STAU2: variants seen among roughly 807,000 people sequenced by gnomAD.
STAU2 encodes the protein staufen double-stranded RNA binding protein 2.
STAU2 carries 20 observed loss-of-function variants against 65.9 expected under a neutral mutation model. That is an observed-to-expected ratio of 0.30 (90% confidence interval 0.21 to 0.44). The LOEUF is 0.44. Among genes scored for constraint, STAU2 ranks in the 20% least tolerant of loss-of-function variants. STAU2 has a pLI of 1.00. For missense variants in STAU2, 558 were observed against 683.9 expected (o/e 0.82, Z 2.05); for synonymous variants, 232 against 233.9 (o/e 0.99, Z 0.07).
At chr8:73,716,855 G>A (rs903955668) in intron 3 of STAU2, among the ~76,000 whole-genome samples, 4 of 152,074 alleles carry the variant, frequency 2.6e-5, no homozygotes, top group Admixed American at 2.0e-4. Flanking sequence ...TGTAATCCCA[G>A]TACTTTGGGA....
At chr8:73,706,491 A>G (rs763499844) in intron 4 of STAU2, among the ~76,000 whole-genome samples, 9 of 152,172 alleles carry the variant, frequency 5.9e-5, no homozygotes, top group Admixed American at 1.3e-4. Flanking sequence ...ATTAAAATAC[A>G]TTTTATGTCT....
chr8:73,613,543 T>G (rs543237496), intron 9 of STAU2, among the ~76,000 whole-genome samples: 30 of 152,206 alleles, frequency 2.0e-4, no homozygotes, highest in Non-Finnish European at 3.7e-4. Flanking sequence ...ATTATGATTA[T>G]TTGATGTACA....
At chr8:73,607,906 A>G (rs1290700907) in intron 9 of STAU2, among the ~76,000 whole-genome samples, 1 of 152,106 alleles carries the variant, frequency 6.6e-6, no homozygotes, top group East Asian at 1.9e-4. Context: ...AGAGACATGG[A>G]GACATGGATA....
Position 73,571,937 on chromosome 8 carries a change from CA to C in STAU2, c.1222+10832del, listed in dbSNP as rs778438549. On this transcript the variant is annotated intron_variant, in intron 12 of 14. Transcript: ENST00000524300. ...GGAGATAGAGACACAAAAAACCCTTCAAAAAAAATCAATGAATCCAGGAAGC... is the reference window on the plus strand; with the variant it reads ...GGAGATAGAGACACAAAAAACCCTTCAAAAAAATCAATGAATCCAGGAAGC... 2.0e-5 allele frequency among the ~76,000 whole-genome samples: 3 copies of C among 151,688 alleles called. No individual in the cohort carries two copies. The South Asian group carries it at 6.2e-4, about 32-fold the overall frequency.
At chr8:73,488,456 C>A (rs1821019595) in intron 13 of STAU2, among the ~76,000 whole-genome samples, 1 of 151,758 alleles carries the variant, frequency 6.6e-6, no homozygotes. Context: ...TGTAATAAAT[C>A]GCTCCAAAGC....
intron 6 of STAU2, among the ~76,000 whole-genome samples, chr8:73,649,846 GTA>G (rs1815701887): frequency 8.3e-6 from 1 of 120,570 alleles, no homozygotes; most frequent in East Asian, 2.5e-4. Flanking sequence ...TTATAAGTTA[GTA>G]TATATGTCTT....
intron 5 of STAU2, among the ~76,000 whole-genome samples, chr8:73,686,816 C>G (rs1296619833): frequency 6.6e-6 from 1 of 150,716 alleles, no homozygotes; most frequent in Non-Finnish European, 1.5e-5. Context: ...TTCTTAGGAG[C>G]TTAAAATTAG....
intron 12 of STAU2, among the ~76,000 whole-genome samples, chr8:73,577,690 G>C (rs775693679): frequency 3.3e-5 from 5 of 152,046 alleles, no homozygotes; most frequent in Non-Finnish European, 7.4e-5. Context: ...CAATAAGTCA[G>C]AGTCCCATCA....
chr8:73,695,678 C>T (rs893082687), intron 4 of STAU2, among the ~76,000 whole-genome samples: 7 of 152,114 alleles, frequency 4.6e-5, no homozygotes, highest in African/African-American at 1.2e-4. Flanking sequence ...TCCACACCTA[C>T]GCTGGACAGC....
intron 5 of STAU2, among the ~76,000 whole-genome samples, chr8:73,675,866 A>T (rs1378433043): frequency 1.3e-5 from 2 of 152,146 alleles, no homozygotes; most frequent in African/African-American, 4.8e-5. Context: ...GGTAATATGG[A>T]TCAAAGTTAA....
chr8:73,696,217 T>G (rs1355556313), intron 4 of STAU2, among the ~76,000 whole-genome samples: 1 of 152,238 alleles, frequency 6.6e-6, no homozygotes, highest in Non-Finnish European at 1.5e-5. Flanking sequence ...ATTGTTGGGC[T>G]TGGGGCCCAA....
chr8:73,595,016 A>G, intron 11 of STAU2, 150 bp downstream of exon 11: 1 of 543,812 alleles, frequency 1.8e-6, no homozygotes, highest in Non-Finnish European at 3.1e-6. Context: ...ATCTTACTCC[A>G]TATGTTATTT....
chr8:73,565,123 T>C (rs1429103451), intron 12 of STAU2, among the ~76,000 whole-genome samples: 2 of 152,204 alleles, frequency 1.3e-5, no homozygotes, highest in African/African-American at 4.8e-5. Flanking sequence ...AATAATCATA[T>C]AATATGGTTT....
intron 13 of STAU2, among the ~76,000 whole-genome samples, chr8:73,429,002 T>A (rs937936018): frequency 6.6e-6 from 1 of 152,178 alleles, no homozygotes; most frequent in African/African-American, 2.4e-5. Context: ...CACGAATGGA[T>A]TTTCAGAATT....
At chr8:73,462,200 T>A (rs1029825492) in intron 13 of STAU2, among the ~76,000 whole-genome samples, 3 of 150,766 alleles carry the variant, frequency 2.0e-5, no homozygotes, top group African/African-American at 4.9e-5. Context: ...CTGCCTCAGC[T>A]TCCTGAGTAG....
chr8:73,746,417 C>T (rs1002911553), intron 1 of STAU2, among the ~76,000 whole-genome samples: 1 of 152,024 alleles, frequency 6.6e-6, no homozygotes, highest in Non-Finnish European at 1.5e-5. Context: ...CCCAGCCTCC[C>T]GCGCCCGCAG....
In STAU2 at chr8:73,560,120, C is replaced by A. The variant is rs373046169; in HGVS notation, c.1223-7801G>T. ...TTTTGAGACAGAGTCTCGCTCTGTC[C>A]CCCAGGCTGGAGTGCAGTGGCGCCA... On this transcript the variant is annotated intron_variant, in intron 12 of 14. Transcript: ENST00000524300. Among the ~76,000 whole-genome samples the A allele has an allele frequency of 1.4e-5, 2 of 148,030 alleles. 1 individual carries two copies. The highest frequency in any genetic ancestry group is 1.3e-4 in the Admixed American group (2 of 14,954).
chr8:73,613,019 A>G (rs886399154), intron 9 of STAU2, among the ~76,000 whole-genome samples: 2 of 152,242 alleles, frequency 1.3e-5, no homozygotes, highest in Admixed American at 1.3e-4. Context: ...ATTCTGACCC[A>G]ATAAAAGAGT....
At chr8:73,598,958 T>G (rs1281947582) in intron 10 of STAU2, among the ~76,000 whole-genome samples, 1 of 152,158 alleles carries the variant, frequency 6.6e-6, no homozygotes, top group Non-Finnish European at 1.5e-5. Flanking sequence ...GAAAACAAAG[T>G]CTTATTGAGA....
Sources: gnomAD v4.1 joint callset for allele counts (sites outside exome capture counted in the v4.1 genomes callset) on GRCh38, gnomAD v4.1.1 for gene constraint, MANE v1.5 for transcripts, NCBI Gene and HGNC (gene_info 2026-07-23, HGNC 2026-07-21) for gene names.